Variants in PCDH15 observed in about 807,000 individuals in gnomAD.
PCDH15 encodes the protein protocadherin related 15.
A neutral mutation model predicts 178.5 loss-of-function variants in PCDH15; 129 were observed. The observed-to-expected ratio is 0.72, with a 90% CI of 0.63 to 0.84. The LOEUF (loss-of-function observed/expected upper bound fraction) is 0.84, where lower values mean the gene tolerates loss of function less well. Among genes scored for constraint, PCDH15 ranks in the 40% least tolerant of loss-of-function variants. The probability of loss-of-function intolerance (pLI) is 0.00; values close to 1 mark genes in which losing one functional copy is unlikely to be tolerated. For synonymous variants in PCDH15, 800 were observed against 732.0 expected, an observed-to-expected ratio of 1.09 and a Z score of -1.50; for missense variants, 2,230 against 2,099.9, an observed-to-expected ratio of 1.06 and a Z score of -1.21.
chr10:54,776,466 T>C (rs938793182), intron 1 of PCDH15, among the ~76,000 whole-genome samples: 9 of 151,946 alleles, frequency 5.9e-5, no homozygotes, highest in Admixed American at 3.9e-4. Flanking sequence ...AAGCAGTTCA[T>C]ACCTGTAGCC....
chr10:54,646,782 A>T (rs1462887859), intron 2 of PCDH15, among the ~76,000 whole-genome samples: 1 of 152,096 alleles, frequency 6.6e-6, no homozygotes, highest in Non-Finnish European at 1.5e-5. Flanking sequence ...TGCAAAAATG[A>T]TATATCACCT....
At chr10:53,821,214 C>A (rs891235952) in intron 32 of PCDH15, 2 of 965,748 alleles carry the variant, frequency 2.1e-6, no homozygotes, top group Admixed American at 1.3e-4. Context: ...CATAAGCATA[C>A]TACTAAATCC....
At chr10:54,520,232 G>C (rs1334817132) in intron 3 of PCDH15, among the ~76,000 whole-genome samples, 1 of 152,114 alleles carries the variant, frequency 6.6e-6, no homozygotes, top group Non-Finnish European at 1.5e-5. Flanking sequence ...TTAAACTAAA[G>C]AGCTTCTGCA....
intron 20 of PCDH15, among the ~76,000 whole-genome samples, chr10:54,010,379 G>A (rs535763461): frequency 3.9e-5 from 6 of 152,098 alleles, no homozygotes; most frequent in Admixed American, 1.3e-4. Flanking sequence ...ACTTTCCTGG[G>A]ACAGAGCTCC....
intron 20 of PCDH15, among the ~76,000 whole-genome samples, chr10:54,008,954 C>A (rs2135127546): frequency 6.6e-6 from 1 of 152,152 alleles, no homozygotes; most frequent in South Asian, 2.1e-4. Context: ...ATTATATTCC[C>A]TAAATATTTT....
chr10:53,832,015 CAA>C (rs2077043018), intron 29 of PCDH15, among the ~76,000 whole-genome samples: 1 of 152,006 alleles, frequency 6.6e-6, no homozygotes, highest in African/African-American at 2.4e-5. Flanking sequence ...TCTGAGGCAC[CAA>C]ACTAAGATTT....
intron 2 of PCDH15, among the ~76,000 whole-genome samples, chr10:55,138,066 T>C (rs10509024): frequency 0.076 from 11,499 of 152,206 alleles, 533 homozygotes; most frequent in African/African-American, 0.13. Flanking sequence ...ATGCACTTAC[T>C]TGAGATTTGA....
intron 3 of PCDH15, among the ~76,000 whole-genome samples, chr10:54,471,589 G>T (rs1294182819): frequency 6.6e-6 from 1 of 151,396 alleles, no homozygotes; most frequent in Non-Finnish European, 1.5e-5. Context: ...CATATAGTAG[G>T]CATTTAAAAA....
At chr10:54,630,586 C>T (rs1015657252) in intron 2 of PCDH15, among the ~76,000 whole-genome samples, 2 of 152,050 alleles carry the variant, frequency 1.3e-5, no homozygotes, top group Non-Finnish European at 2.9e-5. Flanking sequence ...GGACATCAGC[C>T]TTGGCTAAGA....
intron 21 of PCDH15, among the ~76,000 whole-genome samples, chr10:53,962,262 T>C (rs1039328996): frequency 1.3e-5 from 2 of 152,056 alleles, no homozygotes; most frequent in Non-Finnish European, 1.5e-5. Context: ...CAGGCTGGAG[T>C]GCAGTGGCAT....
chr10:55,044,695 A>G (rs58357615), intron 2 of PCDH15, among the ~76,000 whole-genome samples: 267 of 152,248 alleles, frequency 1.8e-3, no homozygotes, highest in African/African-American at 6.3e-3. Flanking sequence ...GTTTTTATAT[A>G]CATAAGTCTA....
chr10:55,310,365 C>G, intron 1 of PCDH15, among the ~76,000 whole-genome samples: 1 of 152,040 alleles, frequency 6.6e-6, no homozygotes, highest in South Asian at 2.1e-4. Context: ...CATTATAAAA[C>G]ATAGTGGAAG....
At chr10:55,095,225 A>T (rs1362252585) in intron 2 of PCDH15, among the ~76,000 whole-genome samples, 2 of 151,970 alleles carry the variant, frequency 1.3e-5, no homozygotes, top group Non-Finnish European at 2.9e-5. Flanking sequence ...TACAGGTGTG[A>T]GCTACCACAT....
Position 55,491,484 on chromosome 10 carries a change from G to A in PCDH15, c.-156+136141C>T, listed in dbSNP as rs191171201. ...ATGGTTGGGGAAAGTCAGAACTGCAGGGACTGCCACCTTTACCTAGTTAGT... is the reference window on the plus strand; with the variant it reads ...ATGGTTGGGGAAAGTCAGAACTGCAAGGACTGCCACCTTTACCTAGTTAGT... On this transcript the variant is annotated intron_variant, in intron 2 of 5. Coordinates refer to the PCDH15 transcript ENST00000613346. Among the ~76,000 whole-genome samples the A allele has an allele frequency of 5.3e-5, 8 of 151,746 alleles. No homozygotes were observed. The East Asian group carries it at 1.6e-3, about 30-fold the overall frequency.
chr10:55,538,224 G>C (rs1841628649), intron 2 of PCDH15, among the ~76,000 whole-genome samples: 1 of 152,104 alleles, frequency 6.6e-6, no homozygotes, highest in East Asian at 1.9e-4. Flanking sequence ...GCGTTTATCA[G>C]TTTTATTTGA....
intron 2 of PCDH15, among the ~76,000 whole-genome samples, chr10:54,934,005 T>G (rs930897402): frequency 6.6e-6 from 1 of 152,142 alleles, no homozygotes; most frequent in Non-Finnish European, 1.5e-5. Context: ...AATTAAGATA[T>G]AGAGACACTA....
intron 9 of PCDH15, among the ~76,000 whole-genome samples, chr10:54,223,928 G>A (rs1443859659): frequency 1.3e-5 from 2 of 152,078 alleles, no homozygotes; most frequent in African/African-American, 4.8e-5. Context: ...GTTCACCTCT[G>A]TATTTTTTAC....
At chr10:55,258,602 T>A (rs1326443005) in intron 1 of PCDH15, among the ~76,000 whole-genome samples, 2 of 152,134 alleles carry the variant, frequency 1.3e-5, no homozygotes, top group African/African-American at 4.8e-5. Flanking sequence ...TATGGAAGAT[T>A]CAGTGAGGTG....
chr10:55,523,858 G>T (rs1484503510), intron 2 of PCDH15, among the ~76,000 whole-genome samples: 1 of 151,368 alleles, frequency 6.6e-6, no homozygotes, highest in East Asian at 1.9e-4. Flanking sequence ...ATAATGTTTT[G>T]AGGATAGTAA....
Sources: allele counts gnomAD v4.1 joint callset (sites outside exome capture counted in the v4.1 genomes callset), GRCh38; gene constraint gnomAD v4.1.1; transcripts MANE v1.5; gene names NCBI Gene and HGNC (gene_info 2026-07-23, HGNC 2026-07-21).